Variants in EFR3B observed in about 807,000 individuals in gnomAD.
EFR3B encodes EFR3 homolog B, also known as protein EFR3 homolog B.
EFR3B carries 64 observed loss-of-function variants against 104.7 expected under a neutral mutation model. The observed-to-expected ratio is 0.61, with a 90% CI of 0.50 to 0.75. The LOEUF (loss-of-function observed/expected upper bound fraction) is 0.75, where lower values mean the gene tolerates loss of function less well. Ranked by LOEUF, EFR3B falls within the 30% of genes least tolerant of loss-of-function variation. The pLI, the probability that EFR3B is intolerant of heterozygous loss-of-function variation, is 0.00. For missense variants in EFR3B, 750 were observed against 1,078.5 expected, an observed-to-expected ratio of 0.70 and a Z score of 4.27; for synonymous variants, 385 against 417.9, an observed-to-expected ratio of 0.92 and a Z score of 0.96.
chr2:25,133,249 C>T (rs1341260748), intron 11 of EFR3B, 134 bp from the exon 12 acceptor site: 8 of 1,041,624 alleles, frequency 7.7e-6, no homozygotes, highest in Non-Finnish European at 1.2e-5. Context: ...CTTCCTGGGT[C>T]CGGAAGTCAC....
At chr2:25,071,511 G>T (rs1028363740) in intron 1 of EFR3B, among the ~76,000 whole-genome samples, 1 of 151,964 alleles carries the variant, frequency 6.6e-6, no homozygotes. Context: ...CACCCGCCTC[G>T]GCCTCCCAAA....
chr2:25,146,583 G>A (rs192945099), intron 19 of EFR3B: 2 of 152,276 alleles, frequency 1.3e-5, no homozygotes, highest in East Asian at 3.9e-4. Context: ...AGAGACCCTC[G>A]GGAATTGAGG....
chr2:25,140,118 G>C (rs984085376), intron 16 of EFR3B, among the ~76,000 whole-genome samples: 1 of 152,124 alleles, frequency 6.6e-6, no homozygotes, highest in African/African-American at 2.4e-5. Flanking sequence ...TTCGAGACCA[G>C]CCTGGGCAAC....
intron 4 of EFR3B, among the ~76,000 whole-genome samples, chr2:25,115,086 T>A (rs1669822378): frequency 1.3e-5 from 2 of 151,718 alleles, no homozygotes; most frequent in Admixed American, 6.6e-5. Context: ...GAGGCAGAGG[T>A]GGGAGAATCG....
intron 1 of EFR3B, among the ~76,000 whole-genome samples, chr2:25,073,857 G>A (rs751007310): frequency 3.9e-5 from 6 of 152,056 alleles, no homozygotes; most frequent in South Asian, 4.2e-4. Flanking sequence ...TTCCTCCCCT[G>A]TGAAGCCCTC....
rs770802684 is a variant in EFR3B, at chr2:25,128,178, T to C, written c.486-5T>C. On this transcript the variant is annotated splice_polypyrimidine_tract_variant and splice_region_variant and intron_variant, in intron 5 of 22. Transcript: ENST00000403714. ...CCGAGTCCCACTTCACCCTTTTCCT[T>C]ACAGAATTCGAATGTCAGGCATCAA... is the stretch of plus-strand genomic sequence containing the variant. The C allele has an allele frequency of 4.5e-6, 7 of 1,551,630 alleles. No individual in the cohort carries two copies. The South Asian group carries it at 8.3e-5, about 18-fold the overall frequency.
chr2:25,050,899 G>A (rs1389472104), intron 1 of EFR3B, among the ~76,000 whole-genome samples: 2 of 152,136 alleles, frequency 1.3e-5, no homozygotes, highest in Non-Finnish European at 1.5e-5. Context: ...CTAAACCTTG[G>A]TCTAAATTAG....
intron 1 of EFR3B, among the ~76,000 whole-genome samples, chr2:25,068,638 T>TC (rs1392311662): frequency 1.3e-5 from 2 of 151,800 alleles, no homozygotes. Flanking sequence ...TTTATGTTTT[T>TC]TTTTTTTTTG....
chr2:25,104,341 C>T (rs1382198855), intron 4 of EFR3B, among the ~76,000 whole-genome samples: 1 of 152,172 alleles, frequency 6.6e-6, no homozygotes, highest in Non-Finnish European at 1.5e-5. Flanking sequence ...TGCACTCCAA[C>T]CTGGGTGACA....
chr2:25,051,576 C>T (rs1667869885), intron 1 of EFR3B, among the ~76,000 whole-genome samples: 2 of 151,648 alleles, frequency 1.3e-5, no homozygotes, highest in Non-Finnish European at 2.9e-5. Context: ...TGTTTGTTTC[C>T]CCCAGTAAAC....
intron 1 of EFR3B, among the ~76,000 whole-genome samples, chr2:25,086,856 G>A (rs529415917): frequency 3.9e-5 from 6 of 152,160 alleles, no homozygotes; most frequent in South Asian, 2.1e-4. Context: ...GCCTCCCAAA[G>A]TGCTGAGATT....
Position 25,131,231 on chromosome 2 carries a change from G to A in EFR3B, c.850-137G>A. The A allele has an allele frequency of 8.6e-7, 1 of 1,167,120 alleles. No individual in the cohort carries two copies. The highest frequency in any genetic ancestry group is 1.6e-5 in the South Asian group (1 of 64,110). 72.3% of individuals were successfully genotyped at this position (1,167,120 alleles called of 1,614,324 possible). On this transcript the variant is annotated intron_variant, in intron 8 of 22. Coordinates refer to ENST00000403714, the MANE Select transcript of EFR3B (RefSeq NM_014971.2). The surrounding 1 kb of genome is among the most constrained non-coding windows in gnomAD (Gnocchi z 7.6). ...AAGGATCCAGTAAAGGGCACGAGGT[G>A]TCAGTGCCAACTGCAGTGCCCGGGG...
intron 1 of EFR3B, among the ~76,000 whole-genome samples, chr2:25,065,243 C>T (rs576750391): frequency 2.6e-5 from 4 of 152,176 alleles, no homozygotes; most frequent in South Asian, 2.1e-4. Context: ...TTCAGTGGCA[C>T]AGTCATAGCT....
At chr2:25,076,495 G>A (rs923963251) in intron 1 of EFR3B, among the ~76,000 whole-genome samples, 4 of 151,974 alleles carry the variant, frequency 2.6e-5, no homozygotes, top group African/African-American at 4.8e-5. Flanking sequence ...TCCATTTTGC[G>A]GATAAGTAGA....
chr2:25,074,410 C>G (rs1267053656), intron 1 of EFR3B, among the ~76,000 whole-genome samples: 1 of 151,896 alleles, frequency 6.6e-6, no homozygotes, highest in Non-Finnish European at 1.5e-5. Context: ...TACTAAAATA[C>G]AAAAATTAGC....
At chr2:25,070,750 G>T (rs1349531101) in intron 1 of EFR3B, among the ~76,000 whole-genome samples, 2 of 152,160 alleles carry the variant, frequency 1.3e-5, no homozygotes, top group Non-Finnish European at 1.5e-5. Flanking sequence ...GGAGAGAGGC[G>T]GGGTGGCAGT....
intron 20 of EFR3B, among the ~76,000 whole-genome samples, chr2:25,150,803 G>A (rs1670982617): frequency 6.6e-6 from 1 of 152,018 alleles, no homozygotes; most frequent in Non-Finnish European, 1.5e-5. Context: ...TAGAGACAGG[G>A]TTTCACCATG....
chr2:25,069,148 T>C (rs1668421261), intron 1 of EFR3B, among the ~76,000 whole-genome samples: 2 of 152,168 alleles, frequency 1.3e-5, no homozygotes, highest in South Asian at 2.1e-4. Flanking sequence ...CCTCAGGTGA[T>C]CCGCCCACCT....
Position 25,108,044 on chromosome 2 carries a change from G to A in EFR3B, c.363+4257G>A, listed in dbSNP as rs886085089. Among the ~76,000 whole-genome samples, 4 of 152,190 alleles carry A rather than the reference G, an allele frequency of 2.6e-5. 1 individual carries two copies. Among genetic ancestry groups the A allele is most frequent in the Admixed American group, 2.6e-4 (4 of 15,290 alleles). ...GGATGGGGTTTCACCATGTTGGCCA[G>A]GCTCTTCTCAAACTCTTGACCTCAA... On this transcript the variant is annotated intron_variant, in intron 4 of 22. Coordinates refer to ENST00000403714, the MANE Select transcript of EFR3B (RefSeq NM_014971.2).
Sources: allele counts gnomAD v4.1 joint callset (sites outside exome capture counted in the v4.1 genomes callset), GRCh38; gene constraint gnomAD v4.1.1; non-coding constraint Gnocchi (gnomAD v3.1); transcripts MANE v1.5; gene names NCBI Gene and HGNC (gene_info 2026-07-23, HGNC 2026-07-21).